DTNA: variants seen among roughly 807,000 people sequenced by gnomAD.
The protein encoded by DTNA is dystrophin-related protein 3.
A neutral mutation model predicts 100.7 loss-of-function variants in DTNA; 43 were observed. That is an observed-to-expected ratio of 0.43 (90% confidence interval 0.33 to 0.55). The LOEUF (loss-of-function observed/expected upper bound fraction) is 0.55. Among genes scored for constraint, DTNA ranks in the 20% least tolerant of loss-of-function variants. DTNA has a pLI of 0.04. For synonymous variants in DTNA, 349 were observed against 347.9 expected (o/e 1.00, Z -0.04); for missense variants, 798 against 953.9 (o/e 0.84, Z 2.15).
At chr18:34,591,814 T>G (rs1243946171) in intron 1 of DTNA, among the ~76,000 whole-genome samples, 2 of 152,164 alleles carry the variant, frequency 1.3e-5, no homozygotes, top group Non-Finnish European at 2.9e-5. Context: ...AGTAACAAAG[T>G]TAGGCTAAAA....
chr18:34,838,155 T>G lies in DTNA; in HGVS notation c.1237T>G (p.Phe413Val), dbSNP rs759800668. 1 of 1,613,726 alleles carries G rather than the reference T, an allele frequency of 6.2e-7. No individual in the cohort carries two copies. The highest frequency in any genetic ancestry group is 1.3e-5 in the African/African-American group (1 of 74,908). ...NKLLARAAPA[F>V]LKGKGIQYSL... ...ACTGCTGGCTAGGGCTGCTCCAGCT[T>G]TTCTGAAGGGCAAAGGGTAAGTTAC... The change falls in exon 12 of 23, where the codon TTT (phenylalanine) becomes GTT (valine). Residue 413 changes from phenylalanine (F) to valine (V), a missense_variant. By Grantham distance (50) the Phe-to-Val change is conservative (BLOSUM62 -1). Around this residue, in one of 6 missense-constraint regions of DTNA, gnomAD observed 159 missense variants for 201.2 expected, o/e 0.79. Transcript: ENST00000444659.
intron 1 of DTNA, among the ~76,000 whole-genome samples, chr18:34,564,863 T>A (rs2046950499): frequency 6.6e-6 from 1 of 152,200 alleles, no homozygotes. Flanking sequence ...CATGCATGTG[T>A]GTGGCTGCCT....
intron 1 of DTNA, among the ~76,000 whole-genome samples, chr18:34,555,853 T>C (rs1421042760): frequency 1.3e-5 from 2 of 152,210 alleles, no homozygotes; most frequent in Non-Finnish European, 2.9e-5. Flanking sequence ...TTCTGTTGAT[T>C]TGGAGTGGAG....
chr18:34,843,983 C>G (rs904582464), intron 13 of DTNA, among the ~76,000 whole-genome samples: 1 of 152,106 alleles, frequency 6.6e-6, no homozygotes, highest in African/African-American at 2.4e-5. Context: ...TTTTCATTTC[C>G]TGTTAACACG....
At chr18:34,794,337 A>G (rs1441736636) in intron 4 of DTNA, 87 bp downstream of exon 4, 1 of 1,436,232 alleles carries the variant, frequency 7.0e-7, no homozygotes, top group South Asian at 1.2e-5. Flanking sequence ...ACAATTTTAT[A>G]TCTCTCTCTT....
chr18:34,639,924 G>C (rs756043233), intron 1 of DTNA, among the ~76,000 whole-genome samples: 3 of 152,136 alleles, frequency 2.0e-5, no homozygotes, highest in Non-Finnish European at 4.4e-5. Flanking sequence ...TTTTTATTTG[G>C]ACACATTTCC....
intron 17 of DTNA, among the ~76,000 whole-genome samples, chr18:34,873,185 A>C (rs2096782171): frequency 6.6e-6 from 1 of 152,226 alleles, no homozygotes; most frequent in Admixed American, 6.5e-5. Flanking sequence ...ACATTGAATT[A>C]CTTACAAAAG....
chr18:34,877,654 A>G, intron 18 of DTNA, 65 bp from the exon 19 acceptor site: 1 of 1,444,812 alleles, frequency 6.9e-7, no homozygotes. Context: ...AGGATAAATA[A>G]ACAACATAAA....
At chr18:34,768,357 G>A (rs1476292968) in intron 3 of DTNA, among the ~76,000 whole-genome samples, 1 of 151,986 alleles carries the variant, frequency 6.6e-6, no homozygotes, top group Non-Finnish European at 1.5e-5. Flanking sequence ...GAAAGGAAAA[G>A]GAAAAGGAAA....
chr18:34,670,211 A>C (rs1267444992), intron 1 of DTNA, among the ~76,000 whole-genome samples: 2 of 152,208 alleles, frequency 1.3e-5, no homozygotes, highest in Non-Finnish European at 1.5e-5. Flanking sequence ...CAGTTGATCG[A>C]ATTGGCTACT....
intron 1 of DTNA, among the ~76,000 whole-genome samples, chr18:34,606,654 G>T (rs2053184490): frequency 6.6e-6 from 1 of 152,114 alleles, no homozygotes; most frequent in South Asian, 2.1e-4. Flanking sequence ...GTATAAAGGT[G>T]CCCAGAGAAG....
intron 1 of DTNA, among the ~76,000 whole-genome samples, chr18:34,616,524 T>C (rs2055323613): frequency 6.6e-6 from 1 of 152,330 alleles, no homozygotes; most frequent in East Asian, 1.9e-4. Flanking sequence ...GCTGTTTTGG[T>C]TACTGCAGCC....
rs140015623 is a variant in DTNA, at chr18:34,834,218, G to A, written c.1176-3876G>A. Among the ~76,000 whole-genome samples, 352 of 152,212 alleles carry A rather than the reference G, an allele frequency of 2.3e-3. 5 individuals carry two copies. Among genetic ancestry groups the A allele is most frequent in the African/African-American group, 8.3e-3 (346 of 41,540 alleles). On this transcript the variant is annotated intron_variant, in intron 11 of 22. Transcript: ENST00000444659. ...CTGATAAAGAAAAGAGGTTGAGGCT[G>A]GGCACGGTGGCTCACGCTTGTAATT...
intron 1 of DTNA, among the ~76,000 whole-genome samples, chr18:34,725,844 A>G (rs992322776): frequency 3.9e-5 from 6 of 152,250 alleles, no homozygotes; most frequent in African/African-American, 1.4e-4. Flanking sequence ...TCTTGGAACC[A>G]ACCCAAATGT....
At chr18:34,841,952 CAAAT>C (rs998709620) in intron 13 of DTNA, among the ~76,000 whole-genome samples, 10 of 152,006 alleles carry the variant, frequency 6.6e-5, no homozygotes, top group African/African-American at 1.7e-4. Flanking sequence ...TCAGATAAGT[CAAAT>C]AAATAAACTG....
intron 7 of DTNA, chr18:34,817,941 G>C: frequency 7.1e-7 from 1 of 1,414,778 alleles, no homozygotes. Flanking sequence ...TTGTTAAAAG[G>C]ACACCTCTTC....
intron 1 of DTNA, among the ~76,000 whole-genome samples, chr18:34,548,177 A>G (rs539426403): frequency 1.3e-5 from 2 of 152,118 alleles, no homozygotes; most frequent in East Asian, 3.9e-4. Flanking sequence ...CCTTACATGT[A>G]TTTTTGTGCT....
At chr18:34,566,225 A>T (rs575105068) in intron 1 of DTNA, among the ~76,000 whole-genome samples, 137 of 152,214 alleles carry the variant, frequency 9.0e-4, no homozygotes, top group African/African-American at 3.1e-3. Flanking sequence ...TTGTGGAAAA[A>T]CAATAGGGAA....
At chr18:34,802,626 G>A (rs2095253164) in intron 4 of DTNA, among the ~76,000 whole-genome samples, 1 of 152,184 alleles carries the variant, frequency 6.6e-6, no homozygotes, top group Non-Finnish European at 1.5e-5. Context: ...GATAACCAGA[G>A]GAATATATGC....
Sources: gnomAD v4.1 joint callset for allele counts (sites outside exome capture counted in the v4.1 genomes callset) on GRCh38, gnomAD v4.1.1 for gene constraint, gnomAD v4.1.1 regional missense constraint, MANE v1.5 for transcripts, NCBI Gene and HGNC (gene_info 2026-07-23, HGNC 2026-07-21) for gene names.